The following TTN variants were observed in gnomAD, a reference collection of about 807,000 sequenced individuals.
TTN encodes the protein titin.
A neutral mutation model predicts 3,223.0 loss-of-function variants in TTN; 1,525 were observed. The ratio of observed to expected loss-of-function variants is 0.47; its 90% CI spans 0.45 to 0.49. The LOEUF (loss-of-function observed/expected upper bound fraction) is 0.49. Ranked by LOEUF, TTN falls within the 20% of genes least tolerant of loss-of-function variation. TTN has a pLI of 0.00. For missense variants in TTN, 40,786 were observed against 43,424.0 expected (o/e 0.94, Z 5.40); for synonymous variants, 14,094 against 15,161.0 (o/e 0.93, Z 5.17).
At chr2:178,784,465 T>A in intron 15 of TTN, 114 bp from the exon 16 acceptor site, 1 of 1,251,580 alleles carries the variant, frequency 8.0e-7, no homozygotes, top group Non-Finnish European at 1.1e-6. Flanking sequence ...ATGTTCTCAT[T>A]AGCACTCATT....
chr2:178,723,176 G>A lies in TTN; in HGVS notation c.21831C>T (p.Asn7277=), dbSNP rs1481732672. The change falls in exon 75 of 363, where the codon AAC becomes AAT. Residue 7277 remains asparagine, a synonymous_variant. Coordinates refer to ENST00000589042, the MANE Select transcript of TTN (RefSeq NM_001267550.2). Reference sequence around the variant, plus strand: ...TACAAGTTTTCTCTGTTGTGACTATGTTACATTTTTCAGAGGTAGTTATGT... The same window carrying A: ...TACAAGTTTTCTCTGTTGTGACTATATTACATTTTTCAGAGGTAGTTATGT... ...GFNITTSEKC[N]IVTTEKTCIL... is the part of the protein sequence containing the mutation. 6.2e-7 allele frequency: 1 copy of A among 1,613,454 alleles called. No homozygotes were observed. Among genetic ancestry groups the A allele is most frequent in the South Asian group, 1.1e-5 (1 of 91,058 alleles).
In TTN at chr2:178,591,399, G is replaced by A. The variant is rs2050161903; in HGVS notation, c.60326C>T (p.Thr20109Ile). ...ACTCCCATCGGTTGTCCACTTTGCA[G>A]TAGGAACAGGCACACCTCTTATAAT... ...PAIIRGVPVP[T>I]AKWTTDGSEI... Residue 20109 changes from threonine (T) to isoleucine (I), a missense_variant, in exon 304 of 363, where the codon ACT becomes ATT. Coordinates refer to ENST00000589042, the MANE Select transcript of TTN (RefSeq NM_001267550.2). The A allele has an allele frequency of 1.9e-6, 3 of 1,612,652 alleles. No homozygotes were observed. The highest frequency in any genetic ancestry group is 2.2e-5 in the East Asian group (1 of 44,806).
In TTN at chr2:178,773,341, G is replaced by T; in HGVS notation, c.7623C>A (p.Asp2541Glu). The change falls in exon 33 of 363, where the codon GAC becomes GAA. Residue 2541 changes from aspartate to glutamate, a missense_variant. Asp to Glu is a conservative substitution (Grantham distance 45, BLOSUM62 2). Coordinates refer to ENST00000589042, the MANE Select transcript of TTN (RefSeq NM_001267550.2). ...CATTTTGAGTTTCTGTACAGGTAAG[G>T]TCACGAAGACCTCTGATAATTTTAA... ...EKIKIIRGLRDLTCTETQNVV... is the reference protein window; with the variant it reads ...EKIKIIRGLRELTCTETQNVV... 6.2e-7 allele frequency: 1 copy of T among 1,613,904 alleles called. No homozygotes were observed. The highest frequency in any genetic ancestry group is 8.5e-7 in the Non-Finnish European group (1 of 1,179,956).
Position 178,534,018 on chromosome 2 carries a change from A to C in TTN, c.102597T>G (p.Ile34199Met), listed in dbSNP as rs749009190. Residue 34199 changes from isoleucine to methionine, a missense_variant, in exon 358 of 363, where the codon ATT becomes ATG. By Grantham distance (10) the Ile-to-Met change is conservative. Transcript: ENST00000589042. Reference protein sequence around the residue: ...DGVAILYVKDITKLDDGTYRC... With the variant: ...DGVAILYVKDMTKLDDGTYRC... Reference sequence around the variant, plus strand: ...TGTAGGTACCATCATCTAATTTGGTAATGTCTTTGACATAGAGGATGGCCA... The same window carrying C: ...TGTAGGTACCATCATCTAATTTGGTCATGTCTTTGACATAGAGGATGGCCA... 2 of 1,613,970 alleles carry C rather than the reference A, an allele frequency of 1.2e-6. No homozygotes were observed.
Position 178,560,029 on chromosome 2 carries a change from G to A in TTN, c.86103C>T (p.Ser28701=). 6.2e-7 allele frequency: 1 copy of A among 1,613,680 alleles called. No homozygotes were observed. Among genetic ancestry groups the A allele is most frequent in the Non-Finnish European group, 8.5e-7 (1 of 1,179,800 alleles). Reference sequence around the variant, plus strand: ...ATTCTGTCCCTCGTAAGCTCTGAATGGAAGTTTTCCAGTCAGTGTCATCAG... The same window carrying A: ...ATTCTGTCCCTCGTAAGCTCTGAATAGAAGTTTTCCAGTCAGTGTCATCAG... ...KKSDDTDWKT[S]IQSLRGTEYT... Residue 28701 remains serine (S), a synonymous_variant, in exon 326 of 363, where the codon TCC becomes TCT. Transcript: ENST00000589042.
Position 178,663,690 on chromosome 2 carries a change from C to T in TTN, c.36469G>A (p.Val12157Ile). ...ACTGGCGCTTTCTTTTCAGGAACTA[C>T]TTCTTTGGGAGGCTCTGGTACTTAA... Reference protein sequence around the residue: ...PVKVPEPPKEVVPEKKAPVAP... With the variant: ...PVKVPEPPKEIVPEKKAPVAP... The change falls in exon 171 of 363, where the codon GTA becomes ATA. Residue 12157 changes from valine (V) to isoleucine (I), a missense_variant. Transcript: ENST00000589042. 1 of 1,612,342 alleles carries T rather than the reference C, an allele frequency of 6.2e-7. No homozygotes were observed. Among genetic ancestry groups the T allele is most frequent in the Non-Finnish European group, 8.5e-7 (1 of 1,179,186 alleles).
Position 178,569,386 on chromosome 2 carries a change from T to A in TTN, c.76746A>T (p.Thr25582=). ...NRYDSGKYTL[T]LENSSGTKSA... ...ACTTTGTTCCACTGCTGTTTTCTAA[T>A]GTAAGCGTATATTTTCCACTATCAT... is the stretch of plus-strand genomic sequence containing the variant. The change falls in exon 326 of 363, where the codon ACA becomes ACT. Residue 25582 remains threonine, a synonymous_variant. Coordinates refer to ENST00000589042, the MANE Select transcript of TTN (RefSeq NM_001267550.2). 6.2e-7 allele frequency: 1 copy of A among 1,613,426 alleles called. No individual in the cohort carries two copies. Among genetic ancestry groups the A allele is most frequent in the Non-Finnish European group, 8.5e-7 (1 of 1,179,582 alleles).
Position 178,543,402 on chromosome 2 carries a change from A to G in TTN, c.96571T>C (p.Cys32191Arg). 3 of 1,613,860 alleles carry G rather than the reference A, an allele frequency of 1.9e-6. No individual in the cohort carries two copies. The highest frequency in any genetic ancestry group is 2.5e-6 in the Non-Finnish European group (3 of 1,179,806). ...PENIYGIGEP[C>R]ETSDAVLVSE... ...ACCAGTACTGCATCAGATGTTTCAC[A>G]AGGTTCTCCAATGCCATAAATATTT... Residue 32191 changes from cysteine to arginine, a missense_variant, in exon 347 of 363, where the codon TGT becomes CGT. Coordinates refer to ENST00000589042, the MANE Select transcript of TTN (RefSeq NM_001267550.2).
Position 178,584,519 on chromosome 2 carries a change from C to CA in TTN, c.65031dup (p.Val21678CysfsTer8). On this transcript the variant is annotated frameshift_variant, in exon 311 of 363. Coordinates refer to ENST00000589042, the MANE Select transcript of TTN (RefSeq NM_001267550.2). LOFTEE classifies it high-confidence loss of function. ...TCACTATCTGGTCTGTCCCAAGCAA[C>CA]AAAAATACAGTCCTTGTTGACTTTG... is the stretch of plus-strand genomic sequence containing the variant. The CA allele has an allele frequency of 6.2e-7, 1 of 1,613,028 alleles. No individual in the cohort carries two copies. Among genetic ancestry groups the CA allele is most frequent in the Non-Finnish European group, 8.5e-7 (1 of 1,179,476 alleles).
At chr2:178,742,313 G>A (rs2082641703) in intron 47 of TTN, among the ~76,000 whole-genome samples, 1 of 152,034 alleles carries the variant, frequency 6.6e-6, no homozygotes. Flanking sequence ...TATATTTAGA[G>A]TTTTCTTGAG....
chr2:178,589,629 G>A lies in TTN; in HGVS notation c.62096C>T (p.Pro20699Leu), dbSNP rs1553641061. The change falls in exon 304 of 363, where the codon CCA (proline) becomes CTA (leucine). Residue 20699 changes from proline (P) to leucine (L), a missense_variant. Coordinates refer to ENST00000589042, the MANE Select transcript of TTN (RefSeq NM_001267550.2). ...TCTCTCAACATGATATGACAGATTT[G>A]GACTGCCACCATCATAGTCAGGCCT... is the stretch of plus-strand genomic sequence containing the variant. ...WRRPDYDGGSPNLSYHVERRL... is the reference protein window; with the variant it reads ...WRRPDYDGGSLNLSYHVERRL... The A allele has an allele frequency of 1.2e-6, 2 of 1,613,242 alleles. No individual in the cohort carries two copies. Among genetic ancestry groups the A allele is most frequent in the South Asian group, 2.2e-5 (2 of 91,046 alleles).
chr2:178,722,691 G>A lies in TTN; in HGVS notation c.22208C>T (p.Thr7403Ile). The A allele has an allele frequency of 6.2e-7, 1 of 1,613,012 alleles. No individual in the cohort carries two copies. The highest frequency in any genetic ancestry group is 1.1e-5 in the South Asian group (1 of 90,992). Residue 7403 changes from threonine (T) to isoleucine (I), a missense_variant, in exon 76 of 363, where the codon ACT (threonine) becomes ATT (isoleucine). Transcript: ENST00000589042. The stretch of plus-strand genomic sequence containing the variant: ...TCTGAACACAGTCTTAGAAGAAGCA[G>A]TTCCTATACTATTTTCTGCTTTGCA... ...YTCKAENSIG[T>I]ASSKTVFRIQ... is the part of the protein sequence containing the mutation.
chr2:178,635,173 G>A lies in TTN; in HGVS notation c.42016C>T (p.Pro14006Ser). The A allele has an allele frequency of 6.2e-7, 1 of 1,612,810 alleles. No individual in the cohort carries two copies. The highest frequency in any genetic ancestry group is 8.5e-7 in the Non-Finnish European group (1 of 1,179,356). The change falls in exon 228 of 363, where the codon CCC (proline) becomes TCC (serine). Residue 14006 changes from proline (P) to serine (S), a missense_variant. Physicochemically the swap from Pro to Ser is moderately conservative, Grantham distance 74 (BLOSUM62 -1). Coordinates refer to ENST00000589042, the MANE Select transcript of TTN (RefSeq NM_001267550.2). ...QWKLKGELLR[P>S]SPTCEIKAEG... is the part of the protein sequence containing the mutation. ...AATGTGAAATTACTCACAGGTGAGGGCCTTAGAAGTTCTCCTTTCAGTTTC... is the reference window on the plus strand; with the variant it reads ...AATGTGAAATTACTCACAGGTGAGGACCTTAGAAGTTCTCCTTTCAGTTTC...
chr2:178,783,913 G>T, intron 16 of TTN, 128 bp from the exon 17 acceptor site: 2 of 1,090,748 alleles, frequency 1.8e-6, no homozygotes, highest in East Asian at 2.9e-5. Flanking sequence ...TTGAGAAAAT[G>T]ATCTCTGACC....
Position 178,571,120 on chromosome 2 carries a change from A to G in TTN, c.75012T>C (p.Arg25004=). ...PSKVSECYVA[R]DPCDPPGRPE... ...GCCGTCCTGGTGGATCACATGGGTC[A>G]CGAGCCACATAACATTCTGATACTT... Residue 25004 remains arginine, a synonymous_variant, in exon 326 of 363, where the codon CGT becomes CGC. Transcript: ENST00000589042. 6.2e-7 allele frequency: 1 copy of G among 1,613,460 alleles called. No homozygotes were observed. Among genetic ancestry groups the G allele is most frequent in the African/African-American group, 1.3e-5 (1 of 74,994 alleles).
chr2:178,745,788 G>A (rs769671277), intron 47 of TTN: 17 of 1,612,958 alleles, frequency 1.1e-5, no homozygotes, highest in Admixed American at 1.0e-4. Context: ...GGAGAGCCAC[G>A]AACTAAGCAC....
Position 178,693,903 on chromosome 2 carries a change from A to G in TTN, c.31513+19T>C, listed in dbSNP as rs375927041. The G allele has an allele frequency of 2.9e-5, 46 of 1,608,346 alleles. No individual in the cohort carries two copies. Among genetic ancestry groups the G allele is most frequent in the Non-Finnish European group, 3.8e-5 (45 of 1,175,706 alleles). Reference sequence around the variant, plus strand: ...AAAACCCTTCCATTTGAGCCCCCACATTCCAGTTTGCCTTATACCTGTGAC... The same window carrying G: ...AAAACCCTTCCATTTGAGCCCCCACGTTCCAGTTTGCCTTATACCTGTGAC... On this transcript the variant is annotated intron_variant, in intron 118 of 362. Coordinates refer to ENST00000589042, the MANE Select transcript of TTN (RefSeq NM_001267550.2).
Position 178,574,774 on chromosome 2 carries a change from A to C in TTN, c.71358T>G (p.Tyr23786Ter), listed in dbSNP as rs750354402. 1 of 1,612,232 alleles carries C rather than the reference A, an allele frequency of 6.2e-7. No homozygotes were observed. Among genetic ancestry groups the C allele is most frequent in the Admixed American group, 1.7e-5 (1 of 59,908 alleles). The change falls in exon 326 of 363, where the codon TAT (tyrosine) becomes TAG (stop). Residue 23786 changes from tyrosine to a stop codon, truncating the protein, a stop_gained. Coordinates refer to ENST00000589042, the MANE Select transcript of TTN (RefSeq NM_001267550.2). LOFTEE classifies it high-confidence loss of function. ...ELATTVIRTT[Y>*]KATRLTTGLE... Reference sequence around the variant, plus strand: ...ATCCAGTAGTAAGGCGGGTGGCTTTATAGGTAGTACGTATAACGGTGGTTG... The same window carrying C: ...ATCCAGTAGTAAGGCGGGTGGCTTTCTAGGTAGTACGTATAACGGTGGTTG...
Position 178,613,278 on chromosome 2 carries a change from T to C in TTN, c.49533-2A>G. 1 of 1,602,940 alleles carries C rather than the reference T, an allele frequency of 6.2e-7. No individual in the cohort carries two copies. Among genetic ancestry groups the C allele is most frequent in the Non-Finnish European group, 8.5e-7 (1 of 1,173,730 alleles). On this transcript the variant is annotated splice_acceptor_variant, in intron 263 of 362. Coordinates refer to ENST00000589042, the MANE Select transcript of TTN (RefSeq NM_001267550.2). LOFTEE classifies it high-confidence loss of function. ...TTCTTATTAGTGAGACCTTTCACTC[T>C]GAATTAGGAACAAAGTGCATGTGTA... is the stretch of plus-strand genomic sequence containing the variant.
Sources: allele counts gnomAD v4.1 joint callset (sites outside exome capture counted in the v4.1 genomes callset), GRCh38; gene constraint gnomAD v4.1.1; transcripts MANE v1.5; gene names NCBI Gene and HGNC (gene_info 2026-07-23, HGNC 2026-07-21).